Variants in NEGR1 observed in about 807,000 individuals in gnomAD.
The protein encoded by NEGR1 is IgLON family member 4.
Under a neutral mutation model 40.9 loss-of-function variants are expected in NEGR1, and 10 were observed. That is an observed-to-expected ratio of 0.24 (90% CI 0.15 to 0.42). The LOEUF (loss-of-function observed/expected upper bound fraction) is 0.42. Among genes scored for constraint, NEGR1 ranks in the 10% least tolerant of loss-of-function variants. The pLI is 1.00. For missense variants in NEGR1, 352 were observed against 438.9 expected, an observed-to-expected ratio of 0.80 and a Z score of 1.77; for synonymous variants, 185 against 166.8, an observed-to-expected ratio of 1.11 and a Z score of -0.84.
intron 3 of NEGR1, among the ~76,000 whole-genome samples, chr1:71,759,870 A>G (rs1202824336): frequency 1.3e-5 from 2 of 151,794 alleles, no homozygotes. Flanking sequence ...CGGCCTCCCA[A>G]ATTACTGGGA....
intron 2 of NEGR1, among the ~76,000 whole-genome samples, chr1:71,785,205 C>G (rs1656865977): frequency 6.6e-6 from 1 of 152,280 alleles, no homozygotes; most frequent in Admixed American, 6.5e-5. Flanking sequence ...CAGCAGCCAG[C>G]AGGCTGGAGC....
At chr1:72,051,195 C>T in intron 1 of NEGR1, among the ~76,000 whole-genome samples, 1 of 151,240 alleles carries the variant, frequency 6.6e-6, no homozygotes, top group East Asian at 1.9e-4. Flanking sequence ...TAATGCACAC[C>T]AAGATTATGC....
chr1:72,121,481 AT>A (rs1412120840), intron 1 of NEGR1, among the ~76,000 whole-genome samples: 1 of 151,988 alleles, frequency 6.6e-6, no homozygotes, highest in Non-Finnish European at 1.5e-5. Flanking sequence ...CCCTAATGTC[AT>A]TAGTCAACAT....
In NEGR1 at chr1:71,399,100, A is replaced by C. The variant is rs1374815136; in HGVS notation, c.*8346T>G. ...AAAACTGACTAATATACCACTATAC[A>C]AGTTCTTACATTACCTGATGAAAGA... On this transcript the variant is annotated 3_prime_UTR_variant, in exon 7 of 7. Transcript: ENST00000357731. 2 of 152,130 alleles carry C rather than the reference A, an allele frequency of 1.3e-5. No individual in the cohort carries two copies. The highest frequency in any genetic ancestry group is 4.8e-5 in the African/African-American group (2 of 41,416). The allele number at this position is 152,130 out of a possible 1,614,324, so 9.4% of individuals were successfully genotyped here.
intron 3 of NEGR1, among the ~76,000 whole-genome samples, chr1:71,764,784 T>A (rs1379309686): frequency 2.0e-5 from 3 of 152,184 alleles, no homozygotes; most frequent in African/African-American, 7.2e-5. Context: ...ATGGTCACTT[T>A]GCATTTGAAG....
intron 2 of NEGR1, among the ~76,000 whole-genome samples, chr1:71,833,555 A>G (rs1361052806): frequency 1.3e-5 from 2 of 152,062 alleles, no homozygotes; most frequent in Non-Finnish European, 2.9e-5. Flanking sequence ...AACAAAACAA[A>G]TGACAAATGC....
At chr1:71,841,444 C>T (rs985331222) in intron 2 of NEGR1, among the ~76,000 whole-genome samples, 7 of 152,144 alleles carry the variant, frequency 4.6e-5, no homozygotes, top group South Asian at 4.1e-4. Flanking sequence ...TTTGAAAGAC[C>T]GATGCATAGA....
chr1:71,848,366 A>G (rs1403139982), intron 2 of NEGR1, among the ~76,000 whole-genome samples: 2 of 152,224 alleles, frequency 1.3e-5, no homozygotes, highest in African/African-American at 4.8e-5. Flanking sequence ...ATTCATAGCT[A>G]GAGAGGTCAA....
intron 6 of NEGR1, among the ~76,000 whole-genome samples, chr1:71,446,368 C>G (rs888651596): frequency 6.6e-6 from 1 of 152,130 alleles, no homozygotes; most frequent in African/African-American, 2.4e-5. Flanking sequence ...AAAAGCTACA[C>G]TTTCTTAAAT....
At chr1:72,144,188 T>C (rs1013888258) in intron 1 of NEGR1, among the ~76,000 whole-genome samples, 1 of 151,430 alleles carries the variant, frequency 6.6e-6, no homozygotes, top group Admixed American at 6.6e-5. Context: ...TTTATGTTCA[T>C]TCTAAATTAC....
chr1:71,679,068 G>A (rs1652740813), intron 4 of NEGR1, among the ~76,000 whole-genome samples: 1 of 152,066 alleles, frequency 6.6e-6, no homozygotes, highest in South Asian at 2.1e-4. Context: ...AAACAGATCT[G>A]GCTTGGAGTT....
intron 1 of NEGR1, among the ~76,000 whole-genome samples, chr1:71,953,728 C>A (rs1570548279): frequency 6.6e-6 from 1 of 151,910 alleles, no homozygotes; most frequent in South Asian, 2.1e-4. Flanking sequence ...ACCACTCTGA[C>A]CAGTCAGTAA....
chr1:71,885,972 A>G (rs1401983430), intron 2 of NEGR1, among the ~76,000 whole-genome samples: 1 of 152,220 alleles, frequency 6.6e-6, no homozygotes, highest in Non-Finnish European at 1.5e-5. Flanking sequence ...GGTTTGGTTT[A>G]AAAGTGTTAT....
intron 4 of NEGR1, among the ~76,000 whole-genome samples, chr1:71,673,216 C>T (rs1470913398): frequency 6.6e-6 from 1 of 150,936 alleles, no homozygotes; most frequent in Non-Finnish European, 1.5e-5. Context: ...TCCAGTGCAT[C>T]TCCAAAAAAA....
At chr1:72,206,036 A>G (rs1017512050) in intron 1 of NEGR1, among the ~76,000 whole-genome samples, 4 of 151,382 alleles carry the variant, frequency 2.6e-5, no homozygotes, top group Non-Finnish European at 5.9e-5. Context: ...AATGAATAAG[A>G]TATCTACTAT....
In NEGR1 at chr1:71,661,100, T is replaced by C. The variant is rs113688438; in HGVS notation, c.667+36908A>G. ...CACATTTTCTTTATCCAGTCTAACA[T>C]TGATGAGCATTACGGTCGGTTCCAA... is the stretch of plus-strand genomic sequence containing the variant. On this transcript the variant is annotated intron_variant, in intron 4 of 6. Transcript: ENST00000357731. Among the ~76,000 whole-genome samples the C allele has an allele frequency of 4.6e-5, 7 of 152,328 alleles. No individual in the cohort carries two copies. In the East Asian group the frequency reaches 7.7e-4, roughly 17 times the overall value.
At chr1:71,875,844 TTGTC>T (rs1184860042) in intron 2 of NEGR1, among the ~76,000 whole-genome samples, 1 of 152,140 alleles carries the variant, frequency 6.6e-6, no homozygotes, top group Non-Finnish European at 1.5e-5. Flanking sequence ...TATTGTCTCT[TTGTC>T]TGTTTCTATT....
intron 6 of NEGR1, among the ~76,000 whole-genome samples, chr1:71,412,524 A>G (rs1002663131): frequency 2.0e-5 from 3 of 152,204 alleles, no homozygotes; most frequent in Non-Finnish European, 2.9e-5. Context: ...TCTGAATCTT[A>G]TATCAAATGT....
At chr1:71,862,643 A>T (rs1659984197) in intron 2 of NEGR1, among the ~76,000 whole-genome samples, 1 of 152,058 alleles carries the variant, frequency 6.6e-6, no homozygotes, top group Admixed American at 6.6e-5. Context: ...TCTGGCTCTA[A>T]AGGAGGAGTA....
Sources: gnomAD v4.1 joint callset for allele counts (sites outside exome capture counted in the v4.1 genomes callset) on GRCh38, gnomAD v4.1.1 for gene constraint, MANE v1.5 for transcripts, NCBI Gene and HGNC (gene_info 2026-07-23, HGNC 2026-07-21) for gene names.